The following DRC3 variants were observed in gnomAD, a reference collection of about 807,000 sequenced individuals.
The protein encoded by DRC3 is leucine rich repeat containing 48.
DRC3 carries 45 observed loss-of-function variants against 57.6 expected under a neutral mutation model. The ratio of observed to expected loss-of-function variants is 0.78; its 90% confidence interval spans 0.62 to 1.00. DRC3 has a LOEUF of 1.00. Among genes scored for constraint, DRC3 ranks in the 50% least tolerant of loss-of-function variants. The pLI, the probability that DRC3 is intolerant of heterozygous loss-of-function variation, is 0.00. For synonymous variants in DRC3, 257 were observed against 272.3 expected (o/e 0.94, Z 0.55); for missense variants, 655 against 675.2 (o/e 0.97, Z 0.33).
At chr17:17,997,423 C>G in intron 8 of DRC3, 37 bp from the exon 9 acceptor site, 1 of 1,607,706 alleles carries the variant, frequency 6.2e-7, no homozygotes, top group South Asian at 1.1e-5. Context: ...GCAGCCTGCT[C>G]CTGAAACAGC....
intron 11 of DRC3, chr17:18,006,743 C>A: frequency 2.4e-6 from 1 of 419,784 alleles, no homozygotes; most frequent in Non-Finnish European, 4.4e-6. Flanking sequence ...ACAAGTGGTG[C>A]CAAATGCACA....
intron 7 of DRC3, 110 bp from the exon 8 acceptor site, chr17:17,994,889 C>G: frequency 1.4e-6 from 1 of 720,302 alleles, no homozygotes; most frequent in African/African-American, 1.7e-5. Flanking sequence ...ACATGCCATT[C>G]TCTTTGTCTG....
chr17:17,981,836 A>G (rs922545409), intron 3 of DRC3, among the ~76,000 whole-genome samples: 3 of 151,786 alleles, frequency 2.0e-5, no homozygotes, highest in Non-Finnish European at 4.4e-5. Context: ...AGCTGGGACT[A>G]CAGGGACACC....
chr17:17,994,309 C>CTAAGCT lies in DRC3; in HGVS notation c.602_603insTAAGCT (p.Ala201_Glu202insLysLeu). ...CCGTTCCCTGGTCAGAAAAAGCTTG[C>CTAAGCT]GGAGGCTAAGCACCAGTACAGCATC... On this transcript the variant is annotated inframe_insertion, in exon 7 of 14. Transcript: ENST00000399187. The CTAAGCT allele has an allele frequency of 9.0e-6, 14 of 1,552,258 alleles. No individual in the cohort carries two copies. The highest frequency in any genetic ancestry group is 1.2e-5 in the Non-Finnish European group (14 of 1,147,342).
intron 12 of DRC3, among the ~76,000 whole-genome samples, chr17:18,012,715 T>G (rs892792314): frequency 6.7e-6 from 1 of 150,330 alleles, no homozygotes; most frequent in Non-Finnish European, 1.5e-5. Context: ...AACTATAAAA[T>G]GACCAGAAGA....
rs374272683 is a variant in DRC3 at position 17,992,827 on chromosome 17, T to C, written c.507T>C (p.Ser169=). 5 of 1,613,780 alleles carry C rather than the reference T, an allele frequency of 3.1e-6. No homozygotes were observed. The African/African-American group carries it at 5.3e-5, about 17-fold the overall frequency. Residue 169 remains serine, a synonymous_variant, in exon 6 of 14, where the codon TCT becomes TCC. Coordinates refer to ENST00000399187, the MANE Select transcript of DRC3 (RefSeq NM_031294.4). ...TCAGCCTCTCTAGGAACCCTATCTC[T>C]GAGGCAGAGGATTACAAGATGTTCA... is the stretch of plus-strand genomic sequence containing the variant. ...RTLSLSRNPI[S]EAEDYKMFIC...
chr17:18,002,133 A>C (rs1042024129), intron 9 of DRC3, among the ~76,000 whole-genome samples: 3 of 151,846 alleles, frequency 2.0e-5, no homozygotes, highest in Non-Finnish European at 4.4e-5. Flanking sequence ...ACGTCACTGC[A>C]CTCCAGCCTG....
Position 17,994,414 on chromosome 17 carries a change from A to G in DRC3, c.707A>G (p.His236Arg). 1 of 1,552,156 alleles carries G rather than the reference A, an allele frequency of 6.4e-7. No individual in the cohort carries two copies. The highest frequency in any genetic ancestry group is 2.4e-5 in the East Asian group (1 of 40,932). Residue 236 changes from histidine to arginine, a missense_variant, in exon 7 of 14, where the codon CAC becomes CGC. Physicochemically the swap from His to Arg is conservative, Grantham distance 29. Coordinates refer to ENST00000399187, the MANE Select transcript of DRC3 (RefSeq NM_031294.4). The part of the protein sequence containing the change: ...EQAQREELEK[H>R]KTAFVEHLNG... Reference sequence around the variant, plus strand: ...GCGCAGCGGGAGGAGCTAGAGAAGCACAAGGTACCGTTCCGGCAGGCTGCA... The same window carrying G: ...GCGCAGCGGGAGGAGCTAGAGAAGCGCAAGGTACCGTTCCGGCAGGCTGCA...
intron 9 of DRC3, among the ~76,000 whole-genome samples, chr17:18,003,448 C>G (rs1323555763): frequency 7.9e-6 from 1 of 126,114 alleles, no homozygotes; most frequent in Non-Finnish European, 1.6e-5. Context: ...CGTACCACTG[C>G]ACTCCAGCCT....
chr17:17,987,897 G>A (rs761809569), intron 4 of DRC3, 35 bp from the exon 5 acceptor site: 2 of 1,607,380 alleles, frequency 1.2e-6, no homozygotes. Flanking sequence ...CCCTGACCCA[G>A]GCAGCAGACC....
chr17:17,994,731 C>T (rs1288309191), intron 7 of DRC3, among the ~76,000 whole-genome samples: 8 of 152,206 alleles, frequency 5.3e-5, no homozygotes, highest in Middle Eastern at 3.2e-3. Context: ...ATGCCAGGAA[C>T]GGCTCAGGTC....
intron 6 of DRC3, chr17:17,993,669 TG>T (rs2043328542): frequency 6.5e-6 from 1 of 153,186 alleles, no homozygotes; most frequent in Non-Finnish European, 1.5e-5. Context: ...GAGTCAGGGC[TG>T]GAGGTAGAGA....
rs2044352859 is a variant in DRC3 at position 18,016,107 on chromosome 17, C to T, written c.1370C>T (p.Ser457Leu). Residue 457 changes from serine to leucine, a missense_variant, in exon 13 of 14, where the codon TCG becomes TTG. By Grantham distance (145) the Ser-to-Leu change is moderately radical. Transcript: ENST00000399187. ...ACGATTGTTAATGCTGTCGGGGCATCGCACGACATCCACCTCCTGAAGATT... is the reference window on the plus strand; with the variant it reads ...ACGATTGTTAATGCTGTCGGGGCATTGCACGACATCCACCTCCTGAAGATT... ...KDTIVNAVGA[S>L]HDIHLLKIDN... The T allele has an allele frequency of 2.5e-6, 4 of 1,613,604 alleles. No homozygotes were observed. Among genetic ancestry groups the T allele is most frequent in the Admixed American group, 1.7e-5 (1 of 59,998 alleles).
intron 12 of DRC3, among the ~76,000 whole-genome samples, chr17:18,009,334 G>A (rs549144600): frequency 6.6e-6 from 1 of 152,260 alleles, no homozygotes; most frequent in African/African-American, 2.4e-5. Context: ...ACTTGAGCCT[G>A]GGAAGTCAAG....
chr17:18,014,294 A>C (rs1271588146), intron 12 of DRC3, among the ~76,000 whole-genome samples: 1 of 152,236 alleles, frequency 6.6e-6, no homozygotes, highest in Non-Finnish European at 1.5e-5. Context: ...CAAGGACCAC[A>C]GAGCAGGGCA....
intron 9 of DRC3, among the ~76,000 whole-genome samples, chr17:18,003,484 TAAAAAAAAAAAAA>T (rs71155309): frequency 7.6e-4 from 23 of 30,124 alleles, no homozygotes; most frequent in Middle Eastern, 0.028. Context: ...ACTACGTCTT[TAAAAAAAAAAAAA>T]AAAAAAAAAA....
chr17:18,015,989 C>G (rs2044347052), intron 12 of DRC3, 75 bp from the exon 13 acceptor site: 1 of 1,542,244 alleles, frequency 6.5e-7, no homozygotes, highest in Non-Finnish European at 8.8e-7. Context: ...CCAAATGCTC[C>G]TTCTCTGTTC....
At chr17:17,979,344 G>A (rs1231922369) in intron 3 of DRC3, among the ~76,000 whole-genome samples, 2 of 152,206 alleles carry the variant, frequency 1.3e-5, no homozygotes, top group Non-Finnish European at 2.9e-5. Context: ...GCAGAAGTGG[G>A]ACAGGATGGG....
chr17:18,008,873 C>T lies in DRC3; in HGVS notation c.1326+1726C>T, dbSNP rs138176586. Among the ~76,000 whole-genome samples, 2 of 152,282 alleles carry T rather than the reference C, an allele frequency of 1.3e-5. No homozygotes were observed. Among genetic ancestry groups the T allele is most frequent in the East Asian group, 1.9e-4 (1 of 5,186 alleles). The stretch of plus-strand genomic sequence containing the variant: ...ACACCCAGAAGGCACAGGACTGAAA[C>T]GTGCCCAATTTCTAATGACTAGGAC... On this transcript the variant is annotated intron_variant, in intron 12 of 13. Coordinates refer to ENST00000399187, the MANE Select transcript of DRC3 (RefSeq NM_031294.4). This position sits in a 1 kb window ranked among gnomAD's most constrained non-coding sequence, Gnocchi z 4.3.
Sources: allele counts gnomAD v4.1 joint callset (sites outside exome capture counted in the v4.1 genomes callset), GRCh38; gene constraint gnomAD v4.1.1; non-coding constraint Gnocchi (gnomAD v3.1); transcripts MANE v1.5; gene names NCBI Gene and HGNC (gene_info 2026-07-23, HGNC 2026-07-21).